SLC9D1: variants seen among roughly 807,000 people sequenced by gnomAD.
SLC9D1 encodes the protein putative LAG1-interacting protein.
chr13:113,534,148 G>A, the SLC9D1 span: 13 of 1,588,216 alleles, frequency 8.2e-6, no homozygotes. Context: ...GTATCTCATT[G>A]GACCCTATTA....
chr13:113,500,915 C>G, the SLC9D1 span, among the ~76,000 whole-genome samples: 28,336 of 152,132 alleles, frequency 0.19, 3,507 homozygotes, highest in African/African-American at 0.35. Context: ...TCAGTGCCCT[C>G]CAAGAAGGGG....
At chr13:113,517,427 A>C in the SLC9D1 span, among the ~76,000 whole-genome samples, 1 of 152,000 alleles carries the variant, frequency 6.6e-6, no homozygotes, top group Non-Finnish European at 1.5e-5. Flanking sequence ...ACGGGGTTTC[A>C]CCGTGTTAGC....
the SLC9D1 span, among the ~76,000 whole-genome samples, chr13:113,522,575 T>C: frequency 0.39 from 59,371 of 151,886 alleles, 12,795 homozygotes; most frequent in African/African-American, 0.58. Context: ...CTCCTGACCT[T>C]GTGATCTACC....
At chr13:113,524,749 C>T in the SLC9D1 span, among the ~76,000 whole-genome samples, 1 of 151,622 alleles carries the variant, frequency 6.6e-6, no homozygotes, top group South Asian at 2.1e-4. Flanking sequence ...CCTTTTCATA[C>T]TTTTCCTTTC....
the SLC9D1 span, among the ~76,000 whole-genome samples, chr13:113,525,307 A>G: frequency 8.5e-5 from 13 of 152,270 alleles, no homozygotes; most frequent in East Asian, 1.9e-3. Context: ...GGGCAGTGTA[A>G]TGCCCCCATG....
the SLC9D1 span, chr13:113,536,521 A>G: frequency 1.0e-6 from 1 of 968,006 alleles, no homozygotes; most frequent in Non-Finnish European, 1.2e-6. Context: ...TCCATTCCAG[A>G]GTATTTTTCT....
At chr13:113,528,868 A>G in the SLC9D1 span, 211 of 152,370 alleles carry the variant, frequency 1.4e-3, 1 homozygote, top group African/African-American at 4.9e-3. Context: ...AATGTCCAAC[A>G]TAAGTTGAAC....
the SLC9D1 span, chr13:113,549,701 T>C: frequency 3.5e-6 from 3 of 868,438 alleles, no homozygotes; most frequent in East Asian, 4.9e-5. Context: ...AGAATATTCT[T>C]GTCCTATTTT....
At chr13:113,507,361 C>A in the SLC9D1 span, among the ~76,000 whole-genome samples, 3 of 152,122 alleles carry the variant, frequency 2.0e-5, no homozygotes, top group Non-Finnish European at 2.9e-5. Flanking sequence ...AAATATCTGG[C>A]CAAGCTTTAG....
chr13:113,540,600 G>A, the SLC9D1 span, among the ~76,000 whole-genome samples: 1 of 152,210 alleles, frequency 6.6e-6, no homozygotes, highest in Non-Finnish European at 1.5e-5. Context: ...TTTGCTTGCA[G>A]ATTTGTTTAA....
the SLC9D1 span, among the ~76,000 whole-genome samples, chr13:113,510,856 C>T: frequency 6.6e-6 from 1 of 152,214 alleles, no homozygotes; most frequent in Admixed American, 6.5e-5. Flanking sequence ...AAGGTGTTCC[C>T]GACTCTTTGG....
At chr13:113,496,025 G>A in the SLC9D1 span, 6 of 1,604,706 alleles carry the variant, frequency 3.7e-6, no homozygotes, top group Non-Finnish European at 4.3e-6. Context: ...CTGCAATAAA[G>A]GTCAGTCCTA....
At chr13:113,540,810 G>A in the SLC9D1 span, among the ~76,000 whole-genome samples, 2 of 152,176 alleles carry the variant, frequency 1.3e-5, no homozygotes, top group Admixed American at 6.5e-5. Flanking sequence ...CAAGGCCAAC[G>A]TTCAGAGGTT....
chr13:113,515,419 T>G, the SLC9D1 span, among the ~76,000 whole-genome samples: 1 of 152,148 alleles, frequency 6.6e-6, no homozygotes, highest in African/African-American at 2.4e-5. Flanking sequence ...TGTTTGAGAA[T>G]GACAGATGTG....
chr13:113,498,406 T>C, the SLC9D1 span: 1 of 1,580,676 alleles, frequency 6.3e-7, no homozygotes, highest in Non-Finnish European at 8.5e-7. Flanking sequence ...CTTAAAAATA[T>C]GCAACATCAA....
At chr13:113,501,846 T>A in the SLC9D1 span, 1 of 1,612,296 alleles carries the variant, frequency 6.2e-7, no homozygotes, top group Non-Finnish European at 8.5e-7. Context: ...ATTTGTGGTG[T>A]ACTTCTGGGA....
the SLC9D1 span, among the ~76,000 whole-genome samples, chr13:113,544,312 G>C: frequency 6.6e-6 from 1 of 152,356 alleles, no homozygotes; most frequent in Non-Finnish European, 1.5e-5. Context: ...GCAATCTTTA[G>C]GCCCTGAGTG....
chr13:113,514,884 G>T, the SLC9D1 span, among the ~76,000 whole-genome samples: 1 of 152,150 alleles, frequency 6.6e-6, no homozygotes, highest in Non-Finnish European at 1.5e-5. Context: ...GCCTGGCTAA[G>T]TTTTTAGTCT....
the SLC9D1 span, chr13:113,505,805 A>G: frequency 6.6e-6 from 1 of 151,782 alleles, no homozygotes; most frequent in African/African-American, 2.4e-5. Context: ...TTTTCTTTAT[A>G]CTCTCTTCCC....
Sources: allele counts gnomAD v4.1 joint callset (sites outside exome capture counted in the v4.1 genomes callset), GRCh38; gene constraint gnomAD v4.1.1; transcripts MANE v1.5; gene names NCBI Gene and HGNC (gene_info 2026-07-23, HGNC 2026-07-21).